Variants in DUSP16 observed in about 807,000 individuals in gnomAD.
The protein encoded by DUSP16 is dual specificity phosphatase 16.
A neutral mutation model predicts 58.3 loss-of-function variants in DUSP16; 21 were observed. The ratio of observed to expected loss-of-function variants is 0.36; its 90% confidence interval spans 0.26 to 0.52. The LOEUF is 0.52. Among genes scored for constraint, DUSP16 ranks in the 20% least tolerant of loss-of-function variants. DUSP16 has a pLI of 0.94. For synonymous variants in DUSP16, 320 were observed against 323.8 expected (o/e 0.99, Z 0.12); for missense variants, 726 against 819.0 (o/e 0.89, Z 1.39).
chr12:12,526,343 T>G (rs1944308267), intron 1 of DUSP16, among the ~76,000 whole-genome samples: 1 of 152,252 alleles, frequency 6.6e-6, no homozygotes, highest in Admixed American at 6.5e-5. Context: ...TTCCATTTGG[T>G]TACTTATGGA....
chr12:12,503,563 G>A (rs1943944248), intron 3 of DUSP16, among the ~76,000 whole-genome samples: 1 of 152,054 alleles, frequency 6.6e-6, no homozygotes, highest in Non-Finnish European at 1.5e-5. Flanking sequence ...AGCTGCGGCT[G>A]TTTAGCTACA....
At chr12:12,535,947 G>C (rs1488447042) in intron 1 of DUSP16, among the ~76,000 whole-genome samples, 1 of 152,116 alleles carries the variant, frequency 6.6e-6, no homozygotes, top group East Asian at 1.9e-4. Flanking sequence ...GAGTAAAAGG[G>C]GCTAGATGGT....
intron 1 of DUSP16, among the ~76,000 whole-genome samples, chr12:12,558,072 TG>T (rs1397341179): frequency 2.6e-5 from 4 of 152,272 alleles, no homozygotes; most frequent in Non-Finnish European, 5.9e-5. Context: ...TGCATATGTA[TG>T]TATCTCCCTT....
intron 1 of DUSP16, among the ~76,000 whole-genome samples, chr12:12,525,016 C>CT (rs1398855937): frequency 2.6e-5 from 4 of 152,136 alleles, no homozygotes; most frequent in Admixed American, 6.5e-5. Context: ...CTGGTAACAA[C>CT]TTTTAGTAGT....
At chr12:12,519,377 CCT>C (rs1309554173) in intron 3 of DUSP16, among the ~76,000 whole-genome samples, 5 of 152,132 alleles carry the variant, frequency 3.3e-5, no homozygotes, top group South Asian at 4.1e-4. Flanking sequence ...ACATTCTCCC[CCT>C]ATTTCATTGT....
At chr12:12,485,070 C>T (rs547525931) in intron 5 of DUSP16, among the ~76,000 whole-genome samples, 4 of 148,748 alleles carry the variant, frequency 2.7e-5, no homozygotes, top group Non-Finnish European at 4.4e-5. Flanking sequence ...AGTGCAGTGG[C>T]GCGATCTTGG....
chr12:12,532,816 T>C (rs954360895), intron 1 of DUSP16, among the ~76,000 whole-genome samples: 10 of 151,938 alleles, frequency 6.6e-5, no homozygotes, highest in Non-Finnish European at 2.9e-5. Context: ...GGCGTGGTGG[T>C]GCATGCCTGT....
rs1270445076 is a variant in DUSP16, at chr12:12,477,400, T to A, written c.1431A>T (p.Ser477=). 2 of 1,612,530 alleles carry A rather than the reference T, an allele frequency of 1.2e-6. No homozygotes were observed. The highest frequency in any genetic ancestry group is 1.3e-5 in the African/African-American group (1 of 75,000). The change falls in exon 7 of 7, where the codon TCA becomes TCT. Residue 477 remains serine (S), a synonymous_variant. Coordinates refer to ENST00000298573, the MANE Select transcript of DUSP16 (RefSeq NM_030640.3). The surrounding 1 kb of genome is among the most constrained non-coding windows in gnomAD (Gnocchi z 4.1). ...AATGCAATCGCTTGCTCTGGCTGTCTGAAGGCCTGGCGGTCTGCAGCTTCT... is the reference window on the plus strand; with the variant it reads ...AATGCAATCGCTTGCTCTGGCTGTCAGAAGGCCTGGCGGTCTGCAGCTTCT... ...IPKKLQTARP[S]DSQSKRLHSV... is the part of the protein sequence containing the mutation.
chr12:12,519,985 T>C lies in DUSP16; in HGVS notation c.244A>G (p.Ser82Gly). The part of the protein sequence containing the change: ...SAKHKVDIDC[S>G]QKVVVYDQSS... ...TGATCGTAAACTACAACCTTCTGAC[T>C]GCAATCAATGTCAACCTGAAATGCA... Residue 82 changes from serine (S) to glycine (G), a missense_variant, in exon 3 of 7, where the codon AGT becomes GGT. Ser to Gly is a moderately conservative substitution (Grantham distance 56, BLOSUM62 0). Transcript: ENST00000298573. The C allele has an allele frequency of 1.2e-6, 2 of 1,614,104 alleles. No individual in the cohort carries two copies. The highest frequency in any genetic ancestry group is 1.7e-6 in the Non-Finnish European group (2 of 1,179,970).
At chr12:12,507,654 G>A (rs896039988) in intron 3 of DUSP16, among the ~76,000 whole-genome samples, 5 of 152,182 alleles carry the variant, frequency 3.3e-5, no homozygotes, top group Non-Finnish European at 7.3e-5. Flanking sequence ...TTGTTGCCCA[G>A]GCTGGAGTGC....
At chr12:12,521,540 T>G (rs193153798) in intron 1 of DUSP16, 77 bp from the exon 2 acceptor site, 2 of 566,926 alleles carry the variant, frequency 3.5e-6, no homozygotes, top group Admixed American at 5.4e-5. Flanking sequence ...AGAGAGAGTG[T>G]ATGATTCATA....
intron 1 of DUSP16, among the ~76,000 whole-genome samples, chr12:12,551,529 T>C (rs542923471): frequency 4.6e-5 from 7 of 151,658 alleles, no homozygotes; most frequent in African/African-American, 1.5e-4. Flanking sequence ...AAGAGAAAAC[T>C]GGTATTTTGG....
At position 12,476,786 on chromosome 12, in the gene DUSP16, GAAC is replaced by G. The variant is rs769725354; in HGVS notation, c.*44_*46del. The stretch of plus-strand genomic sequence containing the variant: ...TCAGATTTACAGGGAATTTTTTTGT[GAAC>G]AAGAAAAAAAAATTGTCTATAGAAG... On this transcript the variant is annotated 3_prime_UTR_variant, in exon 7 of 7. Coordinates refer to ENST00000298573, the MANE Select transcript of DUSP16 (RefSeq NM_030640.3). 5.7e-5 allele frequency: 86 copies of G among 1,501,014 alleles called. No homozygotes were observed. In the Middle Eastern group the frequency reaches 1.4e-3, roughly 25 times the overall value. The allele number at this position is 1,501,014 out of a possible 1,614,324, so 93.0% of individuals were successfully genotyped here. A position where few individuals can be genotyped will look rare whatever the true frequency, so the allele number is the denominator to read the frequency against.
In DUSP16 at chr12:12,476,687, G is replaced by A; in HGVS notation, c.*146C>T. 1.5e-6 allele frequency: 1 copy of A among 657,348 alleles called. No homozygotes were observed. The highest frequency in any genetic ancestry group is 2.8e-5 in the East Asian group (1 of 35,608). 40.7% of individuals were successfully genotyped at this position (657,348 alleles called of 1,614,324 possible). The stretch of plus-strand genomic sequence containing the variant: ...TGCAGATGTTAAGAGAGTAACAACT[G>A]GGTTGATCCACCTGTTGCTTTTACA... On this transcript the variant is annotated 3_prime_UTR_variant, in exon 7 of 7. Coordinates refer to ENST00000298573, the MANE Select transcript of DUSP16 (RefSeq NM_030640.3).
At chr12:12,512,322 CT>C (rs926426626) in intron 3 of DUSP16, among the ~76,000 whole-genome samples, 116 of 132,132 alleles carry the variant, frequency 8.8e-4, no homozygotes, top group African/African-American at 2.9e-3. Flanking sequence ...TAGCCATGCT[CT>C]TTTTGTTGTG....
At chr12:12,555,427 T>C (rs1043642073) in intron 1 of DUSP16, among the ~76,000 whole-genome samples, 1 of 152,212 alleles carries the variant, frequency 6.6e-6, no homozygotes, top group African/African-American at 2.4e-5. Flanking sequence ...TTGACAAACA[T>C]TTGTCAAAAG....
intron 1 of DUSP16, among the ~76,000 whole-genome samples, chr12:12,547,531 TA>T (rs761142479): frequency 0.16 from 10,894 of 66,464 alleles, 444 homozygotes; most frequent in Non-Finnish European, 0.21. Context: ...TGAGTAGGCT[TA>T]AAAAAAAAAA....
chr12:12,529,585 T>G (rs1016345632), intron 1 of DUSP16, among the ~76,000 whole-genome samples: 3 of 152,204 alleles, frequency 2.0e-5, no homozygotes, highest in African/African-American at 7.2e-5. Flanking sequence ...TCAGGAATAC[T>G]ATATATCCTC....
intron 4 of DUSP16, chr12:12,491,451 G>A (rs146060446): frequency 1.3e-5 from 2 of 152,132 alleles, no homozygotes; most frequent in African/African-American, 4.8e-5. Context: ...TTATAGATAC[G>A]TATCAATGAC....
Sources: gnomAD v4.1 joint callset for allele counts (sites outside exome capture counted in the v4.1 genomes callset) on GRCh38, gnomAD v4.1.1 for gene constraint, Gnocchi (gnomAD v3.1) non-coding constraint, MANE v1.5 for transcripts, NCBI Gene and HGNC (gene_info 2026-07-23, HGNC 2026-07-21) for gene names.